BRDT: variants seen among roughly 807,000 people sequenced by gnomAD.
BRDT encodes the protein bromodomain testis-specific protein.
In BRDT, 77 loss-of-function variants were observed where a neutral mutation model predicts 113.9. That is an observed-to-expected ratio of 0.68 (90% CI 0.56 to 0.82). BRDT has a LOEUF of 0.82. BRDT is among the 40% of genes least tolerant of loss of function. The pLI is 0.00. For synonymous variants in BRDT, 358 were observed against 366.5 expected, an observed-to-expected ratio of 0.98 and a Z score of 0.26; for missense variants, 1,027 against 1,105.4, an observed-to-expected ratio of 0.93 and a Z score of 1.01.
Position 91,977,103 on chromosome 1 carries a change from G to C in BRDT, c.679G>C (p.Ala227Pro). The change falls in exon 6 of 19, where the codon GCA becomes CCA. Residue 227 changes from alanine (A) to proline (P), a missense_variant. By Grantham distance (27) the Ala-to-Pro change is conservative (BLOSUM62 -1). Transcript: ENST00000399546. Reference sequence around the variant, plus strand: ...AACTCCTGCAACTTCAGCAGTTAAAGCAAGTAGTGAATTTTCTCCAACATT... The same window carrying C: ...AACTCCTGCAACTTCAGCAGTTAAACCAAGTAGTGAATTTTCTCCAACATT... Reference protein sequence around the residue: ...TTTPATSAVKASSEFSPTFTE... With the variant: ...TTTPATSAVKPSSEFSPTFTE... 1 of 1,613,534 alleles carries C rather than the reference G, an allele frequency of 6.2e-7. No individual in the cohort carries two copies. The highest frequency in any genetic ancestry group is 8.5e-7 in the Non-Finnish European group (1 of 1,179,810).
chr1:91,994,377 T>G, intron 15 of BRDT, 123 bp downstream of exon 15: 1 of 804,114 alleles, frequency 1.2e-6, no homozygotes, highest in Non-Finnish European at 1.9e-6. Flanking sequence ...TCATAACTAG[T>G]AAATTCCAGG....
chr1:91,959,132 G>T (rs753962689), intron 1 of BRDT, among the ~76,000 whole-genome samples: 1 of 152,160 alleles, frequency 6.6e-6, no homozygotes, highest in African/African-American at 2.4e-5. Flanking sequence ...AGCCAAGATC[G>T]CGCCACTGCA....
chr1:91,952,256 A>G (rs1194166121), intron 1 of BRDT: 3 of 152,214 alleles, frequency 2.0e-5, no homozygotes, highest in Non-Finnish European at 4.4e-5. Flanking sequence ...ACAATTTAGC[A>G]TGGTAAGTGT....
rs1193551604 is a variant in BRDT, at chr1:91,975,110, A to G, written c.446-1156A>G. On this transcript the variant is annotated intron_variant, in intron 4 of 18. Transcript: ENST00000399546. ...AGCACTTGGACACAGGAAGGGGAAC[A>G]TCACACACCGGGGCCTGTCGTGGGG... Among the ~76,000 whole-genome samples, 6 of 152,058 alleles carry G rather than the reference A, an allele frequency of 3.9e-5. 1 individual carries two copies. The highest frequency in any genetic ancestry group is 2.0e-4 in the Admixed American group (3 of 15,250).
intron 5 of BRDT, 112 bp from the exon 6 acceptor site, chr1:91,976,931 A>G (rs1684191638): frequency 1.3e-6 from 1 of 798,958 alleles, no homozygotes; most frequent in African/African-American, 1.8e-5. Flanking sequence ...TAAATTATCT[A>G]TATGAAGACT....
In BRDT at chr1:92,002,089, T is replaced by G. The variant is rs766746814; in HGVS notation, c.2328T>G (p.His776Gln). 1 of 1,613,998 alleles carries G rather than the reference T, an allele frequency of 6.2e-7. No homozygotes were observed. The highest frequency in any genetic ancestry group is 8.5e-7 in the Non-Finnish European group (1 of 1,179,906). ...EQLSNGITVMHPSGDSDTTML... is the reference protein window; with the variant it reads ...EQLSNGITVMQPSGDSDTTML... ...TCTCAAATGGCATAACTGTGATGCA[T>G]CCATCTGGTGATAGTGACACAACGA... The change falls in exon 16 of 19, where the codon CAT (histidine) becomes CAG (glutamine). Residue 776 changes from histidine to glutamine, a missense_variant. Coordinates refer to ENST00000399546, the MANE Select transcript of BRDT (RefSeq NM_207189.4).
Position 92,002,158 on chromosome 1 carries a change from AAT to A in BRDT, c.2388+10_2388+11del. The A allele has an allele frequency of 6.3e-7, 1 of 1,599,388 alleles. No homozygotes were observed. Among genetic ancestry groups the A allele is most frequent in the South Asian group, 1.1e-5 (1 of 90,162 alleles). On this transcript the variant is annotated intron_variant, in intron 16 of 18. Transcript: ENST00000399546. The stretch of plus-strand genomic sequence containing the variant: ...AAGCTCCTGTACAGAAGGTAAAAGT[AAT>A]TTTTTTTTTCTAACAAATCTTGAAG...
At position 91,980,815 on chromosome 1, in the gene BRDT, A is replaced by G. The variant is rs763315676; in HGVS notation, c.1460A>G (p.Asn487Ser). 39 of 1,591,216 alleles carry G rather than the reference A, an allele frequency of 2.5e-5. No individual in the cohort carries two copies. The highest frequency in any genetic ancestry group is 3.1e-5 in the Non-Finnish European group (36 of 1,174,376). ...QMRLKEKSKRNQPKKRKQQFI... is the reference protein window; with the variant it reads ...QMRLKEKSKRSQPKKRKQQFI... The stretch of plus-strand genomic sequence containing the variant: ...AGGCTAAAGGAAAAGTCCAAGAGAA[A>G]GTAAGTATCTTTTATTATGATAGCT... Residue 487 changes from asparagine to serine, a missense_variant and splice_region_variant, in exon 9 of 19, where the codon AAT (asparagine) becomes AGT (serine). Asn to Ser is a conservative substitution (Grantham distance 46). Transcript: ENST00000399546.
At position 91,983,444 on chromosome 1, in the gene BRDT, C is replaced by CG. The variant is rs1362647578; in HGVS notation, c.2002+1693dup. ...TAATTTTTTGTATTTTTAGTAGAGA[C>CG]GGGGTTTCACCGTGTTAGCCAGGAT... is the stretch of plus-strand genomic sequence containing the variant. On this transcript the variant is annotated intron_variant, in intron 12 of 18. Coordinates refer to ENST00000399546, the MANE Select transcript of BRDT (RefSeq NM_207189.4). 5.9e-5 allele frequency among the ~76,000 whole-genome samples: 9 copies of CG among 151,686 alleles called. No individual in the cohort carries two copies. In the East Asian group the frequency reaches 1.8e-3, roughly 30 times the overall value.
chr1:91,977,039 G>A lies in BRDT; in HGVS notation c.619-4G>A, dbSNP rs780558202. 1.0e-5 allele frequency: 16 copies of A among 1,585,168 alleles called. No homozygotes were observed. Among genetic ancestry groups the A allele is most frequent in the Non-Finnish European group, 1.4e-5 (16 of 1,165,946 alleles). Reference sequence around the variant, plus strand: ...ATTTTTGTTGTTGAATTGTTCTGTTGTAGGTTACAAAAGGTGTGAAGAGGA... The same window carrying A: ...ATTTTTGTTGTTGAATTGTTCTGTTATAGGTTACAAAAGGTGTGAAGAGGA... On this transcript the variant is annotated splice_polypyrimidine_tract_variant and splice_region_variant and intron_variant, in intron 5 of 18. Coordinates refer to ENST00000399546, the MANE Select transcript of BRDT (RefSeq NM_207189.4).
chr1:91,977,474 A>AGAAAAAGAT, intron 6 of BRDT, 81 bp downstream of exon 6: 1 of 1,200,774 alleles, frequency 8.3e-7, no homozygotes, highest in South Asian at 1.6e-5. Flanking sequence ...CTTAAAATCT[A>AGAAAAAGAT]GAAAAAGATG....
chr1:92,011,480 CT>C (rs1194959990), intron 18 of BRDT, among the ~76,000 whole-genome samples: 4 of 149,142 alleles, frequency 2.7e-5, no homozygotes, highest in East Asian at 2.0e-4. Context: ...TAAAGTCTTT[CT>C]TTTTTTTTTC....
intron 12 of BRDT, among the ~76,000 whole-genome samples, chr1:91,983,897 G>A (rs976511022): frequency 4.6e-5 from 7 of 152,070 alleles, no homozygotes; most frequent in African/African-American, 1.7e-4. Context: ...GTCCAGGCTG[G>A]TCTTGAACTC....
chr1:92,002,200 G>T (rs1356557147), intron 16 of BRDT, 51 bp downstream of exon 16: 1 of 1,329,764 alleles, frequency 7.5e-7, no homozygotes, highest in Admixed American at 1.8e-5. Flanking sequence ...TTGAAATTGG[G>T]TTTGGAAGTG....
chr1:91,992,135 T>C, intron 13 of BRDT, 129 bp from the exon 14 acceptor site: 1 of 449,982 alleles, frequency 2.2e-6, no homozygotes, highest in Non-Finnish European at 3.8e-6. Flanking sequence ...TAACAACATC[T>C]AACTAGGTTA....
chr1:91,976,829 T>C (rs1273869248), intron 5 of BRDT, among the ~76,000 whole-genome samples: 1 of 152,204 alleles, frequency 6.6e-6, no homozygotes, highest in African/African-American at 2.4e-5. Context: ...TTCTTTGGTA[T>C]GTGGGAAGAT....
Position 91,985,638 on chromosome 1 carries a change from C to CTTTTTT in BRDT, c.2002+3897_2002+3902dup, listed in dbSNP as rs57330647. 1.5e-3 allele frequency among the ~76,000 whole-genome samples: 162 copies of CTTTTTT among 108,582 alleles called. 1 individual carries two copies. The highest frequency in any genetic ancestry group is 1.7e-3 in the African/African-American group (47 of 27,354). 71.2% of individuals were successfully genotyped at this position (108,582 alleles called of 152,430 possible). ...AGAGACAGAGCTTTAATTAGTTTTG[C>CTTTTTT]TTTTTTTTTTTTTTTTTTTGAGACG... On this transcript the variant is annotated intron_variant, in intron 12 of 18. Transcript: ENST00000399546.
At chr1:91,975,096 A>G (rs1684000161) in intron 4 of BRDT, among the ~76,000 whole-genome samples, 1 of 152,112 alleles carries the variant, frequency 6.6e-6, no homozygotes, top group Non-Finnish European at 1.5e-5. Context: ...GCACTTGGAC[A>G]CAGGAAGGGG....
At chr1:91,961,433 C>T (rs1682428989) in intron 1 of BRDT, among the ~76,000 whole-genome samples, 3 of 151,842 alleles carry the variant, frequency 2.0e-5, no homozygotes, top group African/African-American at 7.3e-5. Flanking sequence ...TTTTTGAGAC[C>T]AGCCGGGCCA....
Sources: gnomAD v4.1 joint callset for allele counts (sites outside exome capture counted in the v4.1 genomes callset) on GRCh38, gnomAD v4.1.1 for gene constraint, MANE v1.5 for transcripts, NCBI Gene and HGNC (gene_info 2026-07-23, HGNC 2026-07-21) for gene names.